C1orf21: variants seen among roughly 807,000 people sequenced by gnomAD.
The protein encoded by C1orf21 is uncharacterized protein C1orf21.
A neutral mutation model predicts 18.7 loss-of-function variants in C1orf21; 3 were observed. The observed-to-expected ratio is 0.16, with a 90% CI of 0.07 to 0.42. C1orf21 has a LOEUF of 0.42. C1orf21 is among the 10% of genes least tolerant of loss of function. The probability of loss-of-function intolerance (pLI) is 0.99; values close to 1 mark genes in which losing one functional copy is unlikely to be tolerated. For missense variants in C1orf21, 104 were observed against 143.6 expected, an observed-to-expected ratio of 0.72 and a Z score of 1.41; for synonymous variants, 41 against 46.4, an observed-to-expected ratio of 0.88 and a Z score of 0.47.
intron 2 of C1orf21, among the ~76,000 whole-genome samples, chr1:184,504,723 A>G (rs73063555): frequency 0.024 from 3,582 of 152,184 alleles, 143 homozygotes; most frequent in African/African-American, 0.082. Flanking sequence ...TTTGTTTTAT[A>G]CCGTGATGGA....
chr1:184,617,414 A>T (rs930414568), intron 5 of C1orf21, among the ~76,000 whole-genome samples: 5 of 152,230 alleles, frequency 3.3e-5, no homozygotes, highest in African/African-American at 1.2e-4. Flanking sequence ...GCATCATCTG[A>T]TATTTATGGC....
chr1:184,436,525 C>G (rs190267199), intron 1 of C1orf21, among the ~76,000 whole-genome samples: 1 of 152,008 alleles, frequency 6.6e-6, no homozygotes, highest in Admixed American at 6.5e-5. Context: ...CAGTTCTGCC[C>G]AGCCCCCAGG....
At chr1:184,547,204 A>G (rs1255518708) in intron 3 of C1orf21, among the ~76,000 whole-genome samples, 1 of 152,188 alleles carries the variant, frequency 6.6e-6, no homozygotes, top group Non-Finnish European at 1.5e-5. Context: ...AGGCCAGACC[A>G]TGCAGGGCAG....
At chr1:184,598,841 C>A (rs551960647) in intron 5 of C1orf21, among the ~76,000 whole-genome samples, 6 of 152,346 alleles carry the variant, frequency 3.9e-5, no homozygotes, top group African/African-American at 1.2e-4. Flanking sequence ...CTATGCATGG[C>A]ACTGATCTGA....
rs776107267 is a variant in C1orf21, at chr1:184,621,983, ACTGT to A, written c.*2432_*2435del. Reference sequence around the variant, plus strand: ...CTTGATTATGTCAGCAACACCCAACACTGTCTGTTTTCCATTTGTTGGTTTTAAT... The same window carrying A: ...CTTGATTATGTCAGCAACACCCAACACTGTTTTCCATTTGTTGGTTTTAAT... On this transcript the variant is annotated 3_prime_UTR_variant, in exon 6 of 6. Transcript: ENST00000235307. 6 of 152,310 alleles carry A rather than the reference ACTGT, an allele frequency of 3.9e-5. No individual in the cohort carries two copies. Among genetic ancestry groups the A allele is most frequent in the East Asian group, 1.9e-4 (1 of 5,182 alleles). The allele number at this position is 152,310 out of a possible 1,614,324, so 9.4% of individuals were successfully genotyped here.
Position 184,505,251 on chromosome 1 carries a change from C to T in C1orf21, c.95-2337C>T, listed in dbSNP as rs542990698. Among the ~76,000 whole-genome samples, 46 of 148,132 alleles carry T rather than the reference C, an allele frequency of 3.1e-4. No individual in the cohort carries two copies. In the South Asian group the frequency reaches 9.7e-3, roughly 31 times the overall value. Reference sequence around the variant, plus strand: ...GTTCTGCTTAGGTCCAAAAATGTTACCCTCTTCCCCATCCTACAGACAAAA... The same window carrying T: ...GTTCTGCTTAGGTCCAAAAATGTTATCCTCTTCCCCATCCTACAGACAAAA... On this transcript the variant is annotated intron_variant, in intron 2 of 5. Transcript: ENST00000235307.
chr1:184,414,965 C>T (rs942580537), intron 1 of C1orf21, among the ~76,000 whole-genome samples: 7 of 152,116 alleles, frequency 4.6e-5, no homozygotes, highest in African/African-American at 9.7e-5. Flanking sequence ...GTTAGAGGTA[C>T]GTGTGATGAA....
intron 1 of C1orf21, among the ~76,000 whole-genome samples, chr1:184,430,850 G>C (rs968743703): frequency 6.6e-6 from 1 of 152,182 alleles, no homozygotes; most frequent in Non-Finnish European, 1.5e-5. Context: ...GATGGGGATA[G>C]CATTGAATCT....
intron 5 of C1orf21, among the ~76,000 whole-genome samples, chr1:184,604,571 C>CT (rs1307891032): frequency 1.3e-5 from 2 of 152,252 alleles, no homozygotes; most frequent in Non-Finnish European, 2.9e-5. Flanking sequence ...TCTCTCTCCT[C>CT]TGAGTGTACC....
intron 2 of C1orf21, among the ~76,000 whole-genome samples, chr1:184,491,818 G>C (rs1013812761): frequency 1.3e-5 from 2 of 152,182 alleles, no homozygotes; most frequent in African/African-American, 4.8e-5. Context: ...GCACCCAAGA[G>C]GTTGCTTAAG....
chr1:184,531,169 G>A (rs564853492), intron 3 of C1orf21, among the ~76,000 whole-genome samples: 1 of 152,246 alleles, frequency 6.6e-6, no homozygotes, highest in South Asian at 2.1e-4. Flanking sequence ...AAATATAAGA[G>A]AACACAGAGC....
At chr1:184,402,124 A>G (rs749471738) in intron 1 of C1orf21, among the ~76,000 whole-genome samples, 1 of 152,242 alleles carries the variant, frequency 6.6e-6, no homozygotes, top group Non-Finnish European at 1.5e-5. Flanking sequence ...GTTAATTAAA[A>G]TTAAATAAAA....
At chr1:184,529,194 C>T (rs1056661657) in intron 3 of C1orf21, among the ~76,000 whole-genome samples, 3 of 151,984 alleles carry the variant, frequency 2.0e-5, no homozygotes, top group African/African-American at 4.8e-5. Context: ...AATTTATTTC[C>T]TACTCTCTTT....
rs1571354295 is a variant in C1orf21 at position 184,430,983 on chromosome 1, C to T, written c.-125+43615C>T. Among the ~76,000 whole-genome samples, 8 of 152,230 alleles carry T rather than the reference C, an allele frequency of 5.3e-5. No homozygotes were observed. The South Asian group carries it at 8.3e-4, about 16-fold the overall frequency. Reference sequence around the variant, plus strand: ...TCCTTGAGCAGTGGTTTGTAGTTCTCCTTGAAGAGGTGCTTCACATCCCTT... The same window carrying T: ...TCCTTGAGCAGTGGTTTGTAGTTCTTCTTGAAGAGGTGCTTCACATCCCTT... On this transcript the variant is annotated intron_variant, in intron 1 of 5. Transcript: ENST00000235307.
intron 1 of C1orf21, among the ~76,000 whole-genome samples, chr1:184,458,600 A>AT (rs1657255855): frequency 6.6e-6 from 1 of 152,164 alleles, no homozygotes; most frequent in South Asian, 2.1e-4. Flanking sequence ...CTCCAAAAGT[A>AT]TTTCAACTTA....
Position 184,507,616 on chromosome 1 carries a change from G to C in C1orf21, c.123G>C (p.Glu41Asp), listed in dbSNP as rs533061733. Residue 41 changes from glutamate (E) to aspartate (D), a missense_variant, in exon 3 of 6, where the codon GAG (glutamate) becomes GAC (aspartate). Transcript: ENST00000235307. ...GDEYRIKPVE[E>D]VKYMKNGAEE... ...AGTATAGGATCAAACCAGTGGAAGAGGTCAAATACATGAAAAATGGGGCAG... is the reference window on the plus strand; with the variant it reads ...AGTATAGGATCAAACCAGTGGAAGACGTCAAATACATGAAAAATGGGGCAG... The C allele has an allele frequency of 6.2e-7, 1 of 1,606,814 alleles. No individual in the cohort carries two copies. The highest frequency in any genetic ancestry group is 8.5e-7 in the Non-Finnish European group (1 of 1,177,624).
chr1:184,443,200 C>T lies in C1orf21; in HGVS notation c.-124-34186C>T, dbSNP rs181406697. 3.3e-3 allele frequency among the ~76,000 whole-genome samples: 509 copies of T among 152,242 alleles called. 2 individuals carry two copies. Among genetic ancestry groups the T allele is most frequent in the African/African-American group, 8.2e-3 (340 of 41,558 alleles). On this transcript the variant is annotated intron_variant, in intron 1 of 5. Transcript: ENST00000235307. Reference sequence around the variant, plus strand: ...ATATACTTAGCATTTCTACTCCTTGCGTGCAAATTTATTTTATTTCTGTGG... The same window carrying T: ...ATATACTTAGCATTTCTACTCCTTGTGTGCAAATTTATTTTATTTCTGTGG...
In C1orf21 at chr1:184,620,460, A is replaced by C. The variant is rs1297708694; in HGVS notation, c.*904A>C. 6.6e-6 allele frequency: 1 copy of C among 152,546 alleles called. No homozygotes were observed. The highest frequency in any genetic ancestry group is 2.4e-5 in the African/African-American group (1 of 41,420). 9.4% of individuals were successfully genotyped at this position (152,546 alleles called of 1,614,324 possible). On this transcript the variant is annotated 3_prime_UTR_variant, in exon 6 of 6. Transcript: ENST00000235307. ...CCCTTCCATTAAGAATCTACCAAGCATTAGCAAGGCTGAAAGTGGTCTAAG... is the reference window on the plus strand; with the variant it reads ...CCCTTCCATTAAGAATCTACCAAGCCTTAGCAAGGCTGAAAGTGGTCTAAG...
At position 184,477,569 on chromosome 1, in the gene C1orf21, A is replaced by G; in HGVS notation, c.60A>G (p.Lys20=). 2 of 1,614,068 alleles carry G rather than the reference A, an allele frequency of 1.2e-6. No individual in the cohort carries two copies. Among genetic ancestry groups the G allele is most frequent in the South Asian group, 2.2e-5 (2 of 91,074 alleles). ...ATVQNEEEAQ[K]GKNYQNGDVF... is the part of the protein sequence containing the mutation. The stretch of plus-strand genomic sequence containing the variant: ...TTCAAAATGAAGAGGAAGCCCAGAA[A>G]GGGAAAAACTACCAGAACGGAGATG... The change falls in exon 2 of 6, where the codon AAA becomes AAG. Residue 20 remains lysine, a synonymous_variant. Transcript: ENST00000235307.
Sources: allele counts gnomAD v4.1 joint callset (sites outside exome capture counted in the v4.1 genomes callset), GRCh38; gene constraint gnomAD v4.1.1; transcripts MANE v1.5; gene names NCBI Gene and HGNC (gene_info 2026-07-23, HGNC 2026-07-21).